The following SELENOI variants were observed in gnomAD, a reference collection of about 807,000 sequenced individuals.
SELENOI encodes the protein ethanolaminephosphotransferase 1.
SELENOI carries 24 observed loss-of-function variants against 50.7 expected under a neutral mutation model. The observed-to-expected ratio is 0.47, with a 90% CI of 0.34 to 0.67. The LOEUF (loss-of-function observed/expected upper bound fraction) is 0.67, where lower values mean the gene tolerates loss of function less well. SELENOI is among the 30% of genes least tolerant of loss of function. The probability of loss-of-function intolerance (pLI) is 0.01; values close to 1 mark genes in which losing one functional copy is unlikely to be tolerated. For missense variants in SELENOI, 352 were observed against 461.4 expected (o/e 0.76, Z 2.17); for synonymous variants, 155 against 170.2 (o/e 0.91, Z 0.70).
intron 6 of SELENOI, among the ~76,000 whole-genome samples, 185 bp from the exon 7 acceptor site, chr2:26,383,114 A>T (rs1455214751): frequency 6.6e-6 from 1 of 152,206 alleles, no homozygotes; most frequent in African/African-American, 2.4e-5. Context: ...TGCCCTCTGA[A>T]TCACCAAATT....
At chr2:26,380,016 G>A (rs984712025) in intron 6 of SELENOI, among the ~76,000 whole-genome samples, 1 of 152,198 alleles carries the variant, frequency 6.6e-6, no homozygotes, top group Admixed American at 6.5e-5. Context: ...CCCACTAGGT[G>A]TGTCCCGTCA....
chr2:26,370,559 C>T (rs1300777827), intron 4 of SELENOI, among the ~76,000 whole-genome samples: 16 of 102,912 alleles, frequency 1.6e-4, no homozygotes, highest in African/African-American at 5.4e-4. Context: ...CCAGTAGGGG[C>T]CACCGGGCAG....
Position 26,381,475 on chromosome 2 carries a change from C to T in SELENOI, c.683-1824C>T, listed in dbSNP as rs539852583. ...CTCTTTGGCAGCCTGTATAGAGCTC[C>T]GGCTTTCTACATGCTCACTATACTT... is the stretch of plus-strand genomic sequence containing the variant. On this transcript the variant is annotated intron_variant, in intron 6 of 9. Transcript: ENST00000260585. Among the ~76,000 whole-genome samples, 49 of 151,972 alleles carry T rather than the reference C, an allele frequency of 3.2e-4. No homozygotes were observed. In the South Asian group the frequency reaches 7.9e-3, roughly 25 times the overall value.
intron 2 of SELENOI, 34 bp from the exon 3 acceptor site, chr2:26,364,798 C>T (rs1227536466): frequency 6.8e-7 from 1 of 1,462,542 alleles, no homozygotes; most frequent in Non-Finnish European, 9.4e-7. Flanking sequence ...GATTCCTCTA[C>T]TTTAATTATT....
In SELENOI at chr2:26,394,316, C is replaced by G. The variant is rs1173127977; in HGVS notation, c.*5213C>G. On this transcript the variant is annotated 3_prime_UTR_variant, in exon 10 of 10. Transcript: ENST00000260585. The surrounding 1 kb of genome is among the most constrained non-coding windows in gnomAD (Gnocchi z 4.1). ...GCTGAGGCAGGAGAATCACTTGAAC[C>G]TGGGAGATGGAGATTGCAGTGAGCA... The G allele has an allele frequency of 6.6e-6, 1 of 152,210 alleles. No homozygotes were observed. The highest frequency in any genetic ancestry group is 1.5e-5 in the Non-Finnish European group (1 of 68,040). The allele number at this position is 152,210 out of a possible 1,614,324, so 9.4% of individuals were successfully genotyped here.
At chr2:26,371,826 G>A (rs141504370) in intron 4 of SELENOI, among the ~76,000 whole-genome samples, 4 of 151,944 alleles carry the variant, frequency 2.6e-5, no homozygotes, top group Admixed American at 6.5e-5. Context: ...GTCCAGCTTC[G>A]GCTCGGCATG....
intron 1 of SELENOI, among the ~76,000 whole-genome samples, chr2:26,349,670 GTTT>G (rs372398913): frequency 2.6e-5 from 3 of 115,162 alleles, no homozygotes; most frequent in African/African-American, 1.0e-4. Flanking sequence ...CTGCAAGTTG[GTTT>G]TTTTTTTTTT....
intron 1 of SELENOI, among the ~76,000 whole-genome samples, chr2:26,359,385 G>A (rs1677128670): frequency 6.6e-6 from 1 of 152,162 alleles, no homozygotes; most frequent in Non-Finnish European, 1.5e-5. Flanking sequence ...GTACTTGCCT[G>A]TAATCCTAGA....
chr2:26,383,218 A>G, intron 6 of SELENOI, 81 bp from the exon 7 acceptor site: 1 of 1,041,272 alleles, frequency 9.6e-7, no homozygotes, highest in East Asian at 3.0e-5. Flanking sequence ...GGGGTCTAAA[A>G]AAATTTGTTT....
In SELENOI at chr2:26,390,573, A is replaced by T. The variant is rs1396901418; in HGVS notation, c.*1470A>T. ...AAAAAATAACTGTAATTGATATTTC[A>T]TTTTTAAAATTTATAAATTCCAATC... On this transcript the variant is annotated 3_prime_UTR_variant, in exon 10 of 10. Coordinates refer to ENST00000260585, the MANE Select transcript of SELENOI (RefSeq NM_033505.4). The T allele has an allele frequency of 6.6e-6, 1 of 152,604 alleles. No homozygotes were observed. The allele number at this position is 152,604 out of a possible 1,614,324, so 9.5% of individuals were successfully genotyped here.
At chr2:26,364,177 G>T in intron 1 of SELENOI, 125 bp from the exon 2 acceptor site, 14 of 545,120 alleles carry the variant, frequency 2.6e-5, no homozygotes, top group Middle Eastern at 4.0e-4. Flanking sequence ...TCAGCCTTTT[G>T]AGTAGCTGGG....
At chr2:26,368,708 T>C (rs886734184) in intron 4 of SELENOI, among the ~76,000 whole-genome samples, 3 of 152,148 alleles carry the variant, frequency 2.0e-5, no homozygotes, top group Non-Finnish European at 4.4e-5. Context: ...CTTGTGGAGA[T>C]GGAATGGGTG....
chr2:26,382,071 A>C (rs2052938), intron 6 of SELENOI, among the ~76,000 whole-genome samples: 14,080 of 152,272 alleles, frequency 0.092, 1,650 homozygotes, highest in East Asian at 0.57. Context: ...TCATAGGATC[A>C]AAGAATTTTA....
At chr2:26,354,856 G>A (rs1052339043) in intron 1 of SELENOI, among the ~76,000 whole-genome samples, 1 of 152,106 alleles carries the variant, frequency 6.6e-6, no homozygotes, top group African/African-American at 2.4e-5. Context: ...GGGGCAAGCG[G>A]GCCTGAATTT....
intron 1 of SELENOI, among the ~76,000 whole-genome samples, chr2:26,356,982 C>T (rs1574750495): frequency 1.3e-5 from 2 of 152,256 alleles, no homozygotes; most frequent in East Asian, 1.9e-4. Flanking sequence ...GTGAGTCATA[C>T]AGTCTTTCGT....
Position 26,389,381 on chromosome 2 carries a change from T to C in SELENOI, c.*278T>C. On this transcript the variant is annotated 3_prime_UTR_variant, in exon 10 of 10. Transcript: ENST00000260585. ...TGGTTCTAACTTCGTGAGTTTACAA[T>C]GTTGTGATTCATGCAGGGTTAAAGA... is the stretch of plus-strand genomic sequence containing the variant. 1 of 301,628 alleles carries C rather than the reference T, an allele frequency of 3.3e-6. No individual in the cohort carries two copies. Among genetic ancestry groups the C allele is most frequent in the East Asian group, 5.8e-5 (1 of 17,236 alleles). The allele number at this position is 301,628 out of a possible 1,614,324, so 18.7% of individuals were successfully genotyped here.
chr2:26,393,765 T>A lies in SELENOI; in HGVS notation c.*4662T>A, dbSNP rs1339958928. Reference sequence around the variant, plus strand: ...AGGGTACCTTAATGCTGTGTTGAAATTGGAAGCAGACTGCTCTTCAGCAGC... The same window carrying A: ...AGGGTACCTTAATGCTGTGTTGAAAATGGAAGCAGACTGCTCTTCAGCAGC... On this transcript the variant is annotated 3_prime_UTR_variant, in exon 10 of 10. Coordinates refer to ENST00000260585, the MANE Select transcript of SELENOI (RefSeq NM_033505.4). The A allele has an allele frequency of 1.3e-5, 2 of 152,120 alleles. No individual in the cohort carries two copies. The highest frequency in any genetic ancestry group is 6.5e-5 in the Admixed American group (1 of 15,280). The allele number at this position is 152,120 out of a possible 1,614,324, so 9.4% of individuals were successfully genotyped here.
intron 5 of SELENOI, among the ~76,000 whole-genome samples, chr2:26,374,564 G>GT (rs747792225): frequency 7.6e-5 from 10 of 131,590 alleles, no homozygotes; most frequent in African/African-American, 2.4e-4. Flanking sequence ...CTAAAAGATT[G>GT]TATTTTTTTT....
At chr2:26,348,996 C>CTTTTTTTTTT (rs869073468) in intron 1 of SELENOI, among the ~76,000 whole-genome samples, 24 of 57,722 alleles carry the variant, frequency 4.2e-4, no homozygotes, top group Non-Finnish European at 6.1e-4. Flanking sequence ...TTTGGACAGG[C>CTTTTTTTTTT]TTTTTTTTTT....
Sources: allele counts gnomAD v4.1 joint callset (sites outside exome capture counted in the v4.1 genomes callset), GRCh38; gene constraint gnomAD v4.1.1; non-coding constraint Gnocchi (gnomAD v3.1); transcripts MANE v1.5; gene names NCBI Gene and HGNC (gene_info 2026-07-23, HGNC 2026-07-21).